SLC2A1: variants seen among roughly 807,000 people sequenced by gnomAD.
The protein encoded by SLC2A1 is solute carrier family 2 member 1, also known as solute carrier family 2, facilitated glucose transporter member 1.
SLC2A1 carries 4 observed loss-of-function variants against 46.6 expected under a neutral mutation model. That is an observed-to-expected ratio of 0.09 (90% CI 0.04 to 0.20). SLC2A1 has a LOEUF of 0.20. Among genes scored for constraint, SLC2A1 ranks in the 10% least tolerant of loss-of-function variants. The pLI is 1.00. For synonymous variants in SLC2A1, 253 were observed against 270.0 expected (o/e 0.94, Z 0.62); for missense variants, 352 against 667.0 (o/e 0.53, Z 5.20).
intron 1 of SLC2A1, among the ~76,000 whole-genome samples, chr1:42,948,146 C>T (rs1050528888): frequency 5.9e-5 from 9 of 152,206 alleles, no homozygotes; most frequent in Middle Eastern, 3.4e-3. Flanking sequence ...GGGGGTCTCA[C>T]GACCCACAAG....
intron 1 of SLC2A1, among the ~76,000 whole-genome samples, chr1:42,945,754 CAAAA>C (rs55898550): frequency 1.4e-5 from 2 of 141,104 alleles, no homozygotes; most frequent in Non-Finnish European, 3.0e-5. Context: ...AAAAAAAAAA[CAAAA>C]AACAAAAAAC....
chr1:42,958,797 C>T lies in SLC2A1; in HGVS notation c.-146G>A. 1.3e-6 allele frequency: 1 copy of T among 793,458 alleles called. No individual in the cohort carries two copies. The highest frequency in any genetic ancestry group is 1.7e-5 in the South Asian group (1 of 60,256). 49.2% of individuals were successfully genotyped at this position (793,458 alleles called of 1,614,324 possible). A position where few individuals can be genotyped will look rare whatever the true frequency, so the allele number is the denominator to read the frequency against. ...CCGACCCCCGTCGTTTGGTCTCCTGCTCCCTGGCGTGCTCACTCGGGGACC... is the reference window on the plus strand; with the variant it reads ...CCGACCCCCGTCGTTTGGTCTCCTGTTCCCTGGCGTGCTCACTCGGGGACC... On this transcript the variant is annotated 5_prime_UTR_variant, in exon 1 of 10. Coordinates refer to ENST00000426263, the MANE Select transcript of SLC2A1 (RefSeq NM_006516.4).
Position 42,927,531 on chromosome 1 carries a change from TG to T in SLC2A1, c.1278+73del, listed in dbSNP as rs1217641411. On this transcript the variant is annotated intron_variant, in intron 9 of 9. Coordinates refer to ENST00000426263, the MANE Select transcript of SLC2A1 (RefSeq NM_006516.4). The surrounding 1 kb of genome is among the most constrained non-coding windows in gnomAD (Gnocchi z 5.3). ...TCCTCAGCATGATTCCTAATGAGAA[TG>T]CTGGGCCAGCACTTTGCACAGCACT... 1.1e-5 allele frequency: 16 copies of T among 1,417,788 alleles called. No individual in the cohort carries two copies. In the Middle Eastern group the frequency reaches 7.2e-4, roughly 64 times the overall value. The allele number at this position is 1,417,788 out of a possible 1,614,324, so 87.8% of individuals were successfully genotyped here. A position where few individuals can be genotyped will look rare whatever the true frequency, so the allele number is the denominator to read the frequency against.
At position 42,930,841 on chromosome 1, in the gene SLC2A1, G is replaced by A. The variant is rs1480260427; in HGVS notation, c.301C>T (p.Leu101=). The change falls in exon 4 of 10, where the codon CTG becomes TTG. Residue 101 remains leucine (L), a synonymous_variant. Coordinates refer to ENST00000426263, the MANE Select transcript of SLC2A1 (RefSeq NM_006516.4). This position sits in a 1 kb window ranked among gnomAD's most constrained non-coding sequence, Gnocchi z 6.2. ...AGCACGGCGGACACGAAGGCCAGCA[G>A]GTTCATCATCAGCATTGAATTCCGC... ...GRRNSMLMMN[L]LAFVSAVLMG... is the part of the protein sequence containing the mutation. 1.9e-6 allele frequency: 3 copies of A among 1,600,724 alleles called. No homozygotes were observed. The highest frequency in any genetic ancestry group is 1.3e-5 in the African/African-American group (1 of 74,916).
rs780638574 is a variant in SLC2A1, at chr1:42,931,141, C to T, written c.180G>A (p.Thr60=). The T allele has an allele frequency of 3.2e-5, 51 of 1,614,004 alleles. No homozygotes were observed. The highest frequency in any genetic ancestry group is 4.0e-5 in the African/African-American group (3 of 74,912). The change falls in exon 3 of 10, where the codon ACG becomes ACA. Residue 60 remains threonine, a synonymous_variant. Coordinates refer to ENST00000426263, the MANE Select transcript of SLC2A1 (RefSeq NM_006516.4). Reference sequence around the variant, plus strand: ...CTGAGAGGGACCAGAGCGTGGTGAGCGTGGTGGGCAGGATGCTCTCCCCAT... The same window carrying T: ...CTGAGAGGGACCAGAGCGTGGTGAGTGTGGTGGGCAGGATGCTCTCCCCAT... ...HRYGESILPT[T]LTTLWSLSVA... is the part of the protein sequence containing the mutation.
chr1:42,955,468 G>C (rs1216752202), intron 1 of SLC2A1, among the ~76,000 whole-genome samples: 1 of 152,116 alleles, frequency 6.6e-6, no homozygotes, highest in Non-Finnish European at 1.5e-5. Context: ...AATTTAGCTG[G>C]GCACGGTGAC....
rs571963041 is a variant in SLC2A1 at position 42,926,443 on chromosome 1, C to T, written c.*598G>A. On this transcript the variant is annotated 3_prime_UTR_variant, in exon 10 of 10. Coordinates refer to ENST00000426263, the MANE Select transcript of SLC2A1 (RefSeq NM_006516.4). ...CAGCCCAGACTGGCCCTTCCCCTCT[C>T]CTCCCTGCACTCCAGTGCTCCCAAC... The T allele has an allele frequency of 1.3e-5, 3 of 231,916 alleles. No individual in the cohort carries two copies. The highest frequency in any genetic ancestry group is 1.1e-4 in the South Asian group (2 of 17,526). The allele number at this position is 231,916 out of a possible 1,614,324, so 14.4% of individuals were successfully genotyped here. A position where few individuals can be genotyped will look rare whatever the true frequency, so the allele number is the denominator to read the frequency against.
chr1:42,930,583 G>A lies in SLC2A1; in HGVS notation c.516+43C>T, dbSNP rs1643477980. 6.2e-7 allele frequency: 1 copy of A among 1,610,762 alleles called. No individual in the cohort carries two copies. Among genetic ancestry groups the A allele is most frequent in the Non-Finnish European group, 8.5e-7 (1 of 1,178,734 alleles). On this transcript the variant is annotated intron_variant, in intron 4 of 9. Transcript: ENST00000426263. The surrounding 1 kb of genome is among the most constrained non-coding windows in gnomAD (Gnocchi z 6.2). Reference sequence around the variant, plus strand: ...CAGATCCGAGAGCCACTGAAGCTGTGGGCAGGGGCCGTGCCAGGCAGGTAG... The same window carrying A: ...CAGATCCGAGAGCCACTGAAGCTGTAGGCAGGGGCCGTGCCAGGCAGGTAG...
At chr1:42,957,686 T>C (rs1450543054) in intron 1 of SLC2A1, among the ~76,000 whole-genome samples, 2 of 152,190 alleles carry the variant, frequency 1.3e-5, no homozygotes, top group Non-Finnish European at 2.9e-5. Flanking sequence ...GAAATCGCTC[T>C]GCGGACGCTA....
intron 1 of SLC2A1, among the ~76,000 whole-genome samples, chr1:42,948,918 A>T (rs1171124769): frequency 6.6e-6 from 1 of 152,056 alleles, no homozygotes; most frequent in Non-Finnish European, 1.5e-5. Flanking sequence ...CAAAAAAAAA[A>T]TTAGCCCGGC....
At chr1:42,957,393 C>T (rs1023539080) in intron 1 of SLC2A1, among the ~76,000 whole-genome samples, 1 of 152,148 alleles carries the variant, frequency 6.6e-6, no homozygotes, top group East Asian at 1.9e-4. Flanking sequence ...GCCGAGGGTG[C>T]GGCCCAGCGC....
chr1:42,958,173 ACTC>A (rs1304966972), intron 1 of SLC2A1, among the ~76,000 whole-genome samples: 2 of 150,548 alleles, frequency 1.3e-5, no homozygotes, highest in South Asian at 2.1e-4. Context: ...GCGGCTCCTG[ACTC>A]CTCCGCGCGC....
chr1:42,928,910 T>A, intron 8 of SLC2A1, 22 bp downstream of exon 8: 1 of 1,605,948 alleles, frequency 6.2e-7, no homozygotes, highest in South Asian at 1.1e-5. Context: ...CATCCCTCAC[T>A]CTCCAGAACC....
intron 1 of SLC2A1, among the ~76,000 whole-genome samples, chr1:42,951,361 A>G (rs12068211): frequency 4.2e-5 from 5 of 119,818 alleles, no homozygotes; most frequent in Admixed American, 8.2e-5. Flanking sequence ...TTCAGGGGGG[A>G]AAAAAAGCAA....
chr1:42,943,973 G>T (rs1643624660), intron 1 of SLC2A1, among the ~76,000 whole-genome samples: 1 of 152,190 alleles, frequency 6.6e-6, no homozygotes, highest in Non-Finnish European at 1.5e-5. Context: ...CTGAGAGGGT[G>T]AGGCAAGTTC....
chr1:42,945,753 AC>A (rs199615767), intron 1 of SLC2A1, among the ~76,000 whole-genome samples: 4 of 98,400 alleles, frequency 4.1e-5, no homozygotes, highest in Admixed American at 2.2e-4. Flanking sequence ...AAAAAAAAAA[AC>A]AAAAAACAAA....
rs1252510532 is a variant in SLC2A1 at position 42,925,587 on chromosome 1, A to C, written c.*1454T>G. ...TGAAGGAGGAGGATGAGCTGTCTTT[A>C]GAGATGAAGCAGTAGTATACAGAGG... On this transcript the variant is annotated 3_prime_UTR_variant, in exon 10 of 10. Coordinates refer to ENST00000426263, the MANE Select transcript of SLC2A1 (RefSeq NM_006516.4). 1 of 152,260 alleles carries C rather than the reference A, an allele frequency of 6.6e-6. No individual in the cohort carries two copies. The highest frequency in any genetic ancestry group is 1.5e-5 in the Non-Finnish European group (1 of 68,062). 9.4% of individuals were successfully genotyped at this position (152,260 alleles called of 1,614,324 possible). A position where few individuals can be genotyped will look rare whatever the true frequency, so the allele number is the denominator to read the frequency against.
chr1:42,955,525 G>T (rs916383096), intron 1 of SLC2A1, among the ~76,000 whole-genome samples: 1 of 152,148 alleles, frequency 6.6e-6, no homozygotes, highest in African/African-American at 2.4e-5. Flanking sequence ...TGACAGAATC[G>T]CTTGAGCCTG....
chr1:42,928,504 C>G (rs1196264535), intron 8 of SLC2A1, among the ~76,000 whole-genome samples: 1 of 152,074 alleles, frequency 6.6e-6, no homozygotes, highest in Admixed American at 6.5e-5. Flanking sequence ...AGCTTCCTCC[C>G]CCATAAAATG....
Sources: allele counts gnomAD v4.1 joint callset (sites outside exome capture counted in the v4.1 genomes callset), GRCh38; gene constraint gnomAD v4.1.1; non-coding constraint Gnocchi (gnomAD v3.1); transcripts MANE v1.5; gene names NCBI Gene and HGNC (gene_info 2026-07-23, HGNC 2026-07-21).